The following OTOGL variants were observed in gnomAD, a reference collection of about 807,000 sequenced individuals.
The protein encoded by OTOGL is otogelin like.
A neutral mutation model predicts 318.5 loss-of-function variants in OTOGL; 285 were observed. That is an observed-to-expected ratio of 0.89 (90% confidence interval 0.81 to 0.99). The LOEUF (loss-of-function observed/expected upper bound fraction) is 0.99, where lower values mean the gene tolerates loss of function less well. Ranked by LOEUF, OTOGL falls within the 50% of genes least tolerant of loss-of-function variation. The pLI is 0.00. For synonymous variants in OTOGL, 987 were observed against 936.5 expected (o/e 1.05, Z -0.99); for missense variants, 2,899 against 2,845.6 (o/e 1.02, Z -0.43).
intron 32 of OTOGL, among the ~76,000 whole-genome samples, chr12:80,317,691 G>A (rs1390475249): frequency 6.6e-6 from 1 of 151,960 alleles, no homozygotes; most frequent in African/African-American, 2.4e-5. Flanking sequence ...CTTTCCTCTT[G>A]TCCATGCTAG....
intron 1 of OTOGL, among the ~76,000 whole-genome samples, chr12:80,153,396 A>G (rs1167336820): frequency 6.6e-6 from 1 of 152,188 alleles, no homozygotes; most frequent in Non-Finnish European, 1.5e-5. Context: ...TCCTGAGACC[A>G]TCACATTGGG....
intron 1 of OTOGL, among the ~76,000 whole-genome samples, chr12:80,170,328 T>A (rs1325864796): frequency 6.6e-6 from 1 of 152,178 alleles, no homozygotes. Flanking sequence ...ATGGCTCTAA[T>A]GACTATTGAT....
rs11114387 is a variant in OTOGL at position 80,296,101 on chromosome 12, A to G, written c.2929-726A>G. On this transcript the variant is annotated intron_variant, in intron 26 of 58. Coordinates refer to ENST00000547103, the MANE Select transcript of OTOGL (RefSeq NM_001378609.3). ...TCCTTGAATTTAGGGATTCCCTATC[A>G]TCTAAAGTTGTCTTTTCTCCTCAAC... 6.2e-3 allele frequency among the ~76,000 whole-genome samples: 942 copies of G among 152,316 alleles called. 11 individuals carry two copies. The highest frequency in any genetic ancestry group is 0.021 in the African/African-American group (884 of 41,560).
Position 80,269,883 on chromosome 12 carries a change from A to G in OTOGL, c.2466-219A>G, listed in dbSNP as rs560502653. Among the ~76,000 whole-genome samples, 28 of 152,190 alleles carry G rather than the reference A, an allele frequency of 1.8e-4. No individual in the cohort carries two copies. In the South Asian group the frequency reaches 5.4e-3, roughly 29 times the overall value. ...GTTCATGTCTCCCATGCCTATCCCA[A>G]TGCTCCACACTTATAGGTGTTTGAT... On this transcript the variant is annotated intron_variant, in intron 22 of 58. Coordinates refer to ENST00000547103, the MANE Select transcript of OTOGL (RefSeq NM_001378609.3).
At chr12:80,336,291 C>A (rs763929053) in intron 39 of OTOGL, 122 bp from the exon 40 acceptor site, 19 of 1,345,196 alleles carry the variant, frequency 1.4e-5, no homozygotes, top group Non-Finnish European at 1.7e-5. Flanking sequence ...CAGTATATAA[C>A]TTTTAGAGTT....
At position 80,378,910 on chromosome 12, in the gene OTOGL, T is replaced by C. The variant is rs1206766541; in HGVS notation, c.*862T>C. 2 of 152,464 alleles carry C rather than the reference T, an allele frequency of 1.3e-5. No homozygotes were observed. Among genetic ancestry groups the C allele is most frequent in the African/African-American group, 2.4e-5 (1 of 41,442 alleles). The allele number at this position is 152,464 out of a possible 1,614,324, so 9.4% of individuals were successfully genotyped here. A position where few individuals can be genotyped will look rare whatever the true frequency, so the allele number is the denominator to read the frequency against. ...AGATAGATCTTGAACTGTTATTTTT[T>C]ATATAATTAAAACTGCTATTAAATG... On this transcript the variant is annotated 3_prime_UTR_variant, in exon 59 of 59. Transcript: ENST00000547103.
chr12:80,273,166 T>A (rs936097775), intron 24 of OTOGL, among the ~76,000 whole-genome samples: 2 of 152,128 alleles, frequency 1.3e-5, no homozygotes, highest in Non-Finnish European at 2.9e-5. Flanking sequence ...CTACCTTCTC[T>A]GACTGTATTG....
At position 80,356,474 on chromosome 12, in the gene OTOGL, G is replaced by A. The variant is rs375281378; in HGVS notation, c.5865G>A (p.Leu1955=). ...CAACATGTACAAATAGTCAAAAATTGATTGTTGGCCACAGTCCTCTTTCTT... is the reference window on the plus strand; with the variant it reads ...CAACATGTACAAATAGTCAAAAATTAATTGTTGGCCACAGTCCTCTTTCTT... ...SIPTCTNSQK[L]IVGHSPLSCC... The change falls in exon 48 of 59, where the codon TTG becomes TTA. Residue 1955 remains leucine, a synonymous_variant. Transcript: ENST00000547103. 232 of 1,612,162 alleles carry A rather than the reference G, an allele frequency of 1.4e-4. 1 individual carries two copies. Among genetic ancestry groups the A allele is most frequent in the Non-Finnish European group, 1.8e-4 (214 of 1,179,192 alleles).
rs1202507076 is a variant in OTOGL at position 80,190,946 on chromosome 12, CA to C, written c.-19-18466del. Among the ~76,000 whole-genome samples, 8 of 152,152 alleles carry C rather than the reference CA, an allele frequency of 5.3e-5. No individual in the cohort carries two copies. In the East Asian group the frequency reaches 1.5e-3, roughly 29 times the overall value. ...GGAATTTAAATAATGTTGCAGCTAA[CA>C]GGGAAAGGCCAACCTTTCCACCTCA... On this transcript the variant is annotated intron_variant, in intron 1 of 58. Transcript: ENST00000547103.
At position 80,267,318 on chromosome 12, in the gene OTOGL, C is replaced by G. The variant is rs199855270; in HGVS notation, c.2456C>G (p.Ser819Trp). The G allele has an allele frequency of 6.6e-7, 1 of 1,521,998 alleles. No individual in the cohort carries two copies. The highest frequency in any genetic ancestry group is 9.0e-7 in the Non-Finnish European group (1 of 1,111,886). The allele number at this position is 1,521,998 out of a possible 1,614,324, so 94.3% of individuals were successfully genotyped here. ...YQPGELIPTP[S>W]GLCQCSNGTV... ...CCTGGAGAGCTCATCCCCACACCCT[C>G]GGGCTTATGGTAGGTTTCAATGATG... The change falls in exon 22 of 59, where the codon TCG becomes TGG. Residue 819 changes from serine to tryptophan, a missense_variant. By Grantham distance (177) the Ser-to-Trp change is radical. Transcript: ENST00000547103.
At chr12:80,312,820 C>G (rs1327694061) in intron 30 of OTOGL, among the ~76,000 whole-genome samples, 1 of 151,174 alleles carries the variant, frequency 6.6e-6, no homozygotes, top group Non-Finnish European at 1.5e-5. Context: ...TCTTCTTCTT[C>G]TTTTTTTTTA....
chr12:80,161,736 A>G (rs1032887524), intron 1 of OTOGL, among the ~76,000 whole-genome samples: 10 of 152,122 alleles, frequency 6.6e-5, no homozygotes, highest in Non-Finnish European at 1.5e-4. Flanking sequence ...GACATTTTTA[A>G]GCTAGGACAT....
At position 80,240,353 on chromosome 12, in the gene OTOGL, G is replaced by A. The variant is rs181954272; in HGVS notation, c.1052+914G>A. ...ATTTTTATGCCGTGAATCCCTTTTG[G>A]GAGTCTAGAGAAATTCATAGACCCT... On this transcript the variant is annotated intron_variant, in intron 11 of 58. Coordinates refer to ENST00000547103, the MANE Select transcript of OTOGL (RefSeq NM_001378609.3). Among the ~76,000 whole-genome samples, 110 of 151,958 alleles carry A rather than the reference G, an allele frequency of 7.2e-4. 1 individual carries two copies. Among genetic ancestry groups the A allele is most frequent in the African/African-American group, 2.5e-3 (103 of 41,472 alleles).
Position 80,238,894 on chromosome 12 carries a change from G to A in OTOGL, c.861G>A (p.Ser287=), listed in dbSNP as rs540301154. The change falls in exon 10 of 59, where the codon TCG becomes TCA. Residue 287 remains serine (S), a synonymous_variant. Transcript: ENST00000547103. ...TCGCTATGTTTGCAAATAGTTGGTC[G>A]GTGCAAACTCCAGATGACACCAAAT... ...EDIAMFANSW[S]VQTPDDTKCV... 10 of 1,581,776 alleles carry A rather than the reference G, an allele frequency of 6.3e-6. No homozygotes were observed. The highest frequency in any genetic ancestry group is 4.0e-5 in the African/African-American group (3 of 74,632).
chr12:80,186,764 T>G (rs1875322225), intron 1 of OTOGL, among the ~76,000 whole-genome samples: 1 of 152,004 alleles, frequency 6.6e-6, no homozygotes, highest in Non-Finnish European at 1.5e-5. Context: ...TACAGTGCCT[T>G]GCTTAAGAGT....
intron 42 of OTOGL, 122 bp downstream of exon 42, chr12:80,337,126 C>A: frequency 1.4e-6 from 1 of 712,038 alleles, no homozygotes; most frequent in Non-Finnish European, 2.3e-6. Flanking sequence ...ATATAGTAAT[C>A]ATTTCATAGA....
At chr12:80,160,416 A>T (rs1449398316) in intron 1 of OTOGL, among the ~76,000 whole-genome samples, 2 of 152,190 alleles carry the variant, frequency 1.3e-5, no homozygotes, top group Non-Finnish European at 2.9e-5. Flanking sequence ...CCCATCAAAA[A>T]GTGGACTAAG....
intron 1 of OTOGL, among the ~76,000 whole-genome samples, chr12:80,101,784 G>C (rs996433783): frequency 1.3e-5 from 2 of 152,122 alleles, no homozygotes; most frequent in African/African-American, 4.8e-5. Context: ...ACTTGAGATT[G>C]GGATCTGTTT....
chr12:80,125,651 G>C (rs1366666436), intron 1 of OTOGL, among the ~76,000 whole-genome samples: 1 of 152,192 alleles, frequency 6.6e-6, no homozygotes, highest in Non-Finnish European at 1.5e-5. Flanking sequence ...GAATTCGGCT[G>C]TGAATCCATC....
Sources: gnomAD v4.1 joint callset for allele counts (sites outside exome capture counted in the v4.1 genomes callset) on GRCh38, gnomAD v4.1.1 for gene constraint, MANE v1.5 for transcripts, NCBI Gene and HGNC (gene_info 2026-07-23, HGNC 2026-07-21) for gene names.